AHCYL2: variants seen among roughly 807,000 people sequenced by gnomAD.
The protein encoded by AHCYL2 is adenosylhomocysteinase like 2.
AHCYL2 carries 28 observed loss-of-function variants against 81.4 expected under a neutral mutation model. The observed-to-expected ratio is 0.34, with a 90% confidence interval of 0.25 to 0.47. The LOEUF (loss-of-function observed/expected upper bound fraction) is 0.47, where lower values mean the gene tolerates loss of function less well. Among genes scored for constraint, AHCYL2 ranks in the 20% least tolerant of loss-of-function variants. The pLI is 1.00. For synonymous variants in AHCYL2, 272 were observed against 290.2 expected (o/e 0.94, Z 0.64); for missense variants, 551 against 785.1 (o/e 0.70, Z 3.56).
intron 4 of AHCYL2, among the ~76,000 whole-genome samples, chr7:129,394,355 G>A (rs1015528612): frequency 2.1e-5 from 3 of 145,604 alleles, no homozygotes; most frequent in Admixed American, 7.0e-5. Flanking sequence ...CACTGATTCT[G>A]TCCTTGGATG....
At chr7:129,423,905 C>G (rs1797234804) in intron 13 of AHCYL2, among the ~76,000 whole-genome samples, 1 of 152,016 alleles carries the variant, frequency 6.6e-6, no homozygotes, top group African/African-American at 2.4e-5. Context: ...GGCAGATTGC[C>G]AAATATGCAT....
rs559968800 is a variant in AHCYL2, at chr7:129,315,111, A to C, written c.364-64527A>C. Among the ~76,000 whole-genome samples, 30 of 152,208 alleles carry C rather than the reference A, an allele frequency of 2.0e-4. 1 individual carries two copies. Among genetic ancestry groups the C allele is most frequent in the Admixed American group, 1.0e-3 (16 of 15,292 alleles). ...ATCTTCATTTTTTTCCTTCTGAAAA[A>C]AACCCTATGTCTTACCTGGACTATT... On this transcript the variant is annotated intron_variant, in intron 1 of 16. Transcript: ENST00000325006.
rs779541906 is a variant in AHCYL2 at position 129,317,061 on chromosome 7, G to A, written c.364-62577G>A. ...TTTCTCAGTTCAAGATAGGTCAAGG[G>A]AAAATTCGTTGATTCACTTAGAGAC... On this transcript the variant is annotated intron_variant, in intron 1 of 16. Coordinates refer to ENST00000325006, the MANE Select transcript of AHCYL2 (RefSeq NM_015328.4). Among the ~76,000 whole-genome samples, 136 of 152,290 alleles carry A rather than the reference G, an allele frequency of 8.9e-4. 1 individual carries two copies. Among genetic ancestry groups the A allele is most frequent in the Non-Finnish European group, 1.1e-3 (72 of 68,026 alleles).
intron 1 of AHCYL2, among the ~76,000 whole-genome samples, chr7:129,340,085 A>AT (rs1336238820): frequency 1.3e-5 from 2 of 148,370 alleles, no homozygotes; most frequent in East Asian, 4.1e-4. Context: ...CGCTTGGCTT[A>AT]TTTTTTGTAT....
intron 1 of AHCYL2, among the ~76,000 whole-genome samples, chr7:129,255,579 T>C (rs1795388283): frequency 6.6e-6 from 1 of 152,244 alleles, no homozygotes; most frequent in Non-Finnish European, 1.5e-5. Flanking sequence ...TGTGTGTGTG[T>C]GTATGTGCGT....
rs1796463303 is a variant in AHCYL2, at chr7:129,409,523, T to C, written c.1343T>C (p.Val448Ala). Residue 448 changes from valine to alanine, a missense_variant, in exon 11 of 17, where the codon GTG becomes GCG. Coordinates refer to ENST00000325006, the MANE Select transcript of AHCYL2 (RefSeq NM_015328.4). ...AAATTAAATGAGGTCATCCGACAAG[T>C]GGACATTGTTATTACCTGTACAGGT... The part of the protein sequence containing the change: ...LVKLNEVIRQ[V>A]DIVITCTGNK... 1 of 1,613,666 alleles carries C rather than the reference T, an allele frequency of 6.2e-7. No individual in the cohort carries two copies. Among genetic ancestry groups the C allele is most frequent in the Non-Finnish European group, 8.5e-7 (1 of 1,179,798 alleles).
chr7:129,407,078 A>C (rs1191910072), intron 10 of AHCYL2, among the ~76,000 whole-genome samples: 4 of 152,166 alleles, frequency 2.6e-5, no homozygotes, highest in Non-Finnish European at 5.9e-5. Flanking sequence ...GCTGGGTGTA[A>C]TGGGTTCATG....
chr7:129,291,218 A>T (rs1172698219), intron 1 of AHCYL2, among the ~76,000 whole-genome samples: 1 of 152,114 alleles, frequency 6.6e-6, no homozygotes, highest in South Asian at 2.1e-4. Flanking sequence ...TTATTCTACA[A>T]ACCCCCCCAA....
At chr7:129,269,743 C>T (rs950276445) in intron 1 of AHCYL2, among the ~76,000 whole-genome samples, 2 of 152,042 alleles carry the variant, frequency 1.3e-5, no homozygotes, top group South Asian at 2.1e-4. Context: ...TTTTGTATTC[C>T]GTAATTTTTA....
chr7:129,373,119 C>T (rs1794493737), intron 1 of AHCYL2, among the ~76,000 whole-genome samples: 1 of 151,884 alleles, frequency 6.6e-6, no homozygotes, highest in African/African-American at 2.4e-5. Flanking sequence ...TTTTAAATTA[C>T]AAAATACAAA....
chr7:129,364,018 G>T (rs933391993), intron 1 of AHCYL2, among the ~76,000 whole-genome samples: 2 of 152,018 alleles, frequency 1.3e-5, no homozygotes, highest in Admixed American at 6.5e-5. Flanking sequence ...ATCACTTGAG[G>T]TGAACTCCTG....
chr7:129,333,317 A>T (rs1262346335), intron 1 of AHCYL2, among the ~76,000 whole-genome samples: 12 of 151,768 alleles, frequency 7.9e-5, no homozygotes. Flanking sequence ...CCAAAAAAAA[A>T]AAAAAAAAAA....
At chr7:129,280,575 G>A (rs948015496) in intron 1 of AHCYL2, among the ~76,000 whole-genome samples, 5 of 152,010 alleles carry the variant, frequency 3.3e-5, no homozygotes, top group South Asian at 2.1e-4. Flanking sequence ...ACAGTTTTAC[G>A]ACTCGCTTTC....
intron 1 of AHCYL2, among the ~76,000 whole-genome samples, chr7:129,296,051 G>A (rs976625130): frequency 6.6e-6 from 1 of 152,184 alleles, no homozygotes; most frequent in African/African-American, 2.4e-5. Flanking sequence ...ACAGCCACTT[G>A]CCTTCGCTGC....
chr7:129,225,607 C>T (rs913174686), intron 1 of AHCYL2, among the ~76,000 whole-genome samples, 168 bp downstream of exon 1: 1 of 152,102 alleles, frequency 6.6e-6, no homozygotes, highest in African/African-American at 2.4e-5. Flanking sequence ...CAGCCGGCCC[C>T]TCGTGCTGGG....
At chr7:129,250,593 CAT>C (rs1795216309) in intron 1 of AHCYL2, among the ~76,000 whole-genome samples, 1 of 152,146 alleles carries the variant, frequency 6.6e-6, no homozygotes, top group Non-Finnish European at 1.5e-5. Flanking sequence ...CAACAGTGGA[CAT>C]GTTTGCCTTG....
intron 1 of AHCYL2, among the ~76,000 whole-genome samples, chr7:129,268,768 T>C (rs1795902388): frequency 6.6e-6 from 1 of 152,252 alleles, no homozygotes. Flanking sequence ...TTTGGTAGAA[T>C]GTTTTAGCTT....
At chr7:129,358,386 C>T (rs913491578) in intron 1 of AHCYL2, among the ~76,000 whole-genome samples, 10 of 151,360 alleles carry the variant, frequency 6.6e-5, no homozygotes, top group African/African-American at 2.4e-4. Flanking sequence ...AGCGAGACTC[C>T]GTCTCACACA....
chr7:129,375,672 C>A, intron 1 of AHCYL2: 2 of 1,376,546 alleles, frequency 1.5e-6, no homozygotes, highest in Non-Finnish European at 1.9e-6. Flanking sequence ...ACAGAAATGC[C>A]TTATTAAATT....
Sources: gnomAD v4.1 joint callset for allele counts (sites outside exome capture counted in the v4.1 genomes callset) on GRCh38, gnomAD v4.1.1 for gene constraint, MANE v1.5 for transcripts, NCBI Gene and HGNC (gene_info 2026-07-23, HGNC 2026-07-21) for gene names.